Variants in ITGB6 observed in about 807,000 individuals in gnomAD.
ITGB6 encodes integrin subunit beta 6.
A neutral mutation model predicts 84.5 loss-of-function variants in ITGB6; 80 were observed. The ratio of observed to expected loss-of-function variants is 0.95; its 90% CI spans 0.79 to 1.14. The LOEUF is 1.14. Among genes scored for constraint, ITGB6 ranks in the 50% most tolerant of loss-of-function variants. The pLI, the probability that ITGB6 is intolerant of heterozygous loss-of-function variation, is 0.00. For synonymous variants in ITGB6, 383 were observed against 354.9 expected, an observed-to-expected ratio of 1.08 and a Z score of -0.89; for missense variants, 1,006 against 968.0, an observed-to-expected ratio of 1.04 and a Z score of -0.52.
chr2:160,163,823 G>A (rs373530435), intron 7 of ITGB6, among the ~76,000 whole-genome samples: 2 of 152,266 alleles, frequency 1.3e-5, no homozygotes, highest in Admixed American at 6.5e-5. Flanking sequence ...ATAAGAAGGA[G>A]TTTAAATGAT....
chr2:160,122,597 A>G (rs1683086981), intron 12 of ITGB6, among the ~76,000 whole-genome samples: 1 of 152,134 alleles, frequency 6.6e-6, no homozygotes, highest in South Asian at 2.1e-4. Context: ...CAGTGCTTTC[A>G]TGTATCTCGC....
chr2:160,152,907 C>CT (rs1684484108), intron 7 of ITGB6, among the ~76,000 whole-genome samples: 1 of 152,086 alleles, frequency 6.6e-6, no homozygotes, highest in Admixed American at 6.5e-5. Flanking sequence ...TGAAGGACCT[C>CT]TTCAAGGCAA....
chr2:160,183,071 G>T lies in ITGB6; in HGVS notation c.594-8932C>A, dbSNP rs185936586. 2.0e-3 allele frequency among the ~76,000 whole-genome samples: 306 copies of T among 152,278 alleles called. 2 individuals carry two copies. Among genetic ancestry groups the T allele is most frequent in the Middle Eastern group, 6.8e-3 (2 of 294 alleles). ...TTGTAAAGACCGTCGACACTATGAA[G>T]AAAATGCATCAACTAACAGGCAAAA... On this transcript the variant is annotated intron_variant, in intron 4 of 14. Coordinates refer to ENST00000283249, the MANE Select transcript of ITGB6 (RefSeq NM_000888.5).
chr2:160,111,055 G>C (rs1210887013), intron 13 of ITGB6, among the ~76,000 whole-genome samples: 1 of 152,086 alleles, frequency 6.6e-6, no homozygotes, highest in African/African-American at 2.4e-5. Context: ...ATGTTGTGGT[G>C]CCACTCTTAT....
At chr2:160,136,811 A>G (rs909307796) in intron 10 of ITGB6, among the ~76,000 whole-genome samples, 92 of 152,176 alleles carry the variant, frequency 6.0e-4, no homozygotes, top group African/African-American at 2.0e-3. Flanking sequence ...ACAAAAAACC[A>G]AACACCACAT....
At chr2:160,175,696 T>C (rs965395037) in intron 4 of ITGB6, among the ~76,000 whole-genome samples, 1 of 152,296 alleles carries the variant, frequency 6.6e-6, no homozygotes, top group South Asian at 2.1e-4. Flanking sequence ...CAGGCATGAG[T>C]TATAGTGCCT....
rs183839426 is a variant in ITGB6 at position 160,101,438 on chromosome 2, T to C, written c.*298A>G. 466 of 303,110 alleles carry C rather than the reference T, an allele frequency of 1.5e-3. 4 individuals are homozygous for C. The highest frequency in any genetic ancestry group is 9.9e-3 in the African/African-American group (437 of 44,332). The allele number at this position is 303,110 out of a possible 1,614,324, so 18.8% of individuals were successfully genotyped here. On this transcript the variant is annotated 3_prime_UTR_variant, in exon 15 of 15. Transcript: ENST00000283249. ...AAATGAGACTCTAATTTCAAACATT[T>C]TTCAAATGCAAATCAGGCCCCCATG...
intron 6 of ITGB6, among the ~76,000 whole-genome samples, chr2:160,171,335 T>C (rs976642226): frequency 1.4e-5 from 2 of 146,104 alleles, no homozygotes; most frequent in East Asian, 2.0e-4. Flanking sequence ...ATTTATTTTT[T>C]TATTTTTTTT....
At chr2:160,142,625 TAG>T (rs1684041578) in intron 7 of ITGB6, among the ~76,000 whole-genome samples, 1 of 152,188 alleles carries the variant, frequency 6.6e-6, no homozygotes, top group Non-Finnish European at 1.5e-5. Flanking sequence ...TTCAGGATGC[TAG>T]CACCGTGCTG....
chr2:160,157,885 T>C (rs1247352267), intron 7 of ITGB6, among the ~76,000 whole-genome samples: 2 of 152,130 alleles, frequency 1.3e-5, no homozygotes, highest in East Asian at 3.8e-4. Flanking sequence ...CGGACTGGGT[T>C]TGCTGAAATG....
rs370557708 is a variant in ITGB6, at chr2:160,135,125, G to T, written c.1660+2309C>A. On this transcript the variant is annotated intron_variant, in intron 10 of 14. Coordinates refer to ENST00000283249, the MANE Select transcript of ITGB6 (RefSeq NM_000888.5). Reference sequence around the variant, plus strand: ...AGAGGAAGTCAAATTGTCCCTGTTTGCAGATGACATGATTGTATATCTAGA... The same window carrying T: ...AGAGGAAGTCAAATTGTCCCTGTTTTCAGATGACATGATTGTATATCTAGA... Among the ~76,000 whole-genome samples the T allele has an allele frequency of 6.7e-4, 101 of 150,994 alleles. 1 individual carries two copies. Among genetic ancestry groups the T allele is most frequent in the African/African-American group, 2.4e-3 (98 of 41,102 alleles).
At chr2:160,130,867 T>A (rs903010531) in intron 10 of ITGB6, among the ~76,000 whole-genome samples, 1 of 152,188 alleles carries the variant, frequency 6.6e-6, no homozygotes, top group African/African-American at 2.4e-5. Flanking sequence ...TCAAGTATAT[T>A]ATTGCATGTA....
intron 14 of ITGB6, 49 bp downstream of exon 14, chr2:160,107,629 AC>A (rs1225085299): frequency 6.4e-7 from 1 of 1,566,180 alleles, no homozygotes; most frequent in South Asian, 1.1e-5. Context: ...AATCTCTTCC[AC>A]CAGCCTCTTT....
chr2:160,186,884 T>C (rs1403342109), intron 4 of ITGB6, among the ~76,000 whole-genome samples: 3 of 151,564 alleles, frequency 2.0e-5, no homozygotes, highest in African/African-American at 2.4e-5. Flanking sequence ...AAACAGTGCA[T>C]GTTCTCACTC....
chr2:160,185,031 T>C (rs1262648654), intron 4 of ITGB6, among the ~76,000 whole-genome samples: 1 of 152,220 alleles, frequency 6.6e-6, no homozygotes, highest in Non-Finnish European at 1.5e-5. Flanking sequence ...TCATACTGAA[T>C]GGGCAAAAGC....
At chr2:160,122,620 T>C (rs918873725) in intron 12 of ITGB6, among the ~76,000 whole-genome samples, 1 of 152,186 alleles carries the variant, frequency 6.6e-6, no homozygotes, top group South Asian at 2.1e-4. Context: ...TTGGTAGTAA[T>C]GTAAGGCGCA....
At position 160,172,627 on chromosome 2, in the gene ITGB6, G is replaced by A. The variant is rs772038274; in HGVS notation, c.863C>T (p.Pro288Leu). The A allele has an allele frequency of 4.3e-6, 7 of 1,611,712 alleles. No individual in the cohort carries two copies. In the East Asian group the frequency reaches 6.7e-5, roughly 15 times the overall value. Residue 288 changes from proline (P) to leucine (L), a missense_variant, in exon 6 of 15, where the codon CCT becomes CTT. Transcript: ENST00000283249. Reference sequence around the variant, plus strand: ...GTCCAAGTGACAGAGCCCGTCATTAGGAATGACGATGCCTGCTAGTTTGCT... The same window carrying A: ...GTCCAAGTGACAGAGCCCGTCATTAAGAATGACGATGCCTGCTAGTTTGCT... ...MDSKLAGIVI[P>L]NDGLCHLDSK...
chr2:160,143,826 T>G (rs1044218684), intron 7 of ITGB6, among the ~76,000 whole-genome samples: 1 of 152,112 alleles, frequency 6.6e-6, no homozygotes, highest in African/African-American at 2.4e-5. Flanking sequence ...GAGGAACAAA[T>G]GAAGCTAGGG....
intron 12 of ITGB6, among the ~76,000 whole-genome samples, chr2:160,116,664 T>C (rs1340982107): frequency 3.9e-5 from 6 of 152,122 alleles, no homozygotes; most frequent in Non-Finnish European, 7.3e-5. Flanking sequence ...CACATAACAA[T>C]ATTAACTTTA....
Sources: gnomAD v4.1 joint callset for allele counts (sites outside exome capture counted in the v4.1 genomes callset) on GRCh38, gnomAD v4.1.1 for gene constraint, MANE v1.5 for transcripts, NCBI Gene and HGNC (gene_info 2026-07-23, HGNC 2026-07-21) for gene names.